The following AGT variants were observed in gnomAD, a reference collection of about 807,000 sequenced individuals.
The protein encoded by AGT is alpha-1 antiproteinase, antitrypsin.
Under a neutral mutation model 28.1 loss-of-function variants are expected in AGT, and 26 were observed. The ratio of observed to expected loss-of-function variants is 0.92; its 90% CI spans 0.68 to 1.28. AGT has a LOEUF of 1.28. Among genes scored for constraint, AGT ranks in the 50% most tolerant of loss-of-function variants. The pLI is 0.00. For missense variants in AGT, 596 were observed against 592.3 expected, an observed-to-expected ratio of 1.01 and a Z score of -0.06; for synonymous variants, 259 against 259.6, an observed-to-expected ratio of 1.00 and a Z score of 0.02.
At chr1:230,740,031 ATGC>A (rs1664219348) in intron 1 of AGT, among the ~76,000 whole-genome samples, 1 of 152,222 alleles carries the variant, frequency 6.6e-6, no homozygotes, top group Non-Finnish European at 1.5e-5. Context: ...TCTTGGTCAT[ATGC>A]TAAACAAAGG....
chr1:230,707,944 G>A (rs961992725), intron 2 of AGT, among the ~76,000 whole-genome samples: 4 of 152,198 alleles, frequency 2.6e-5, no homozygotes, highest in African/African-American at 7.2e-5. Flanking sequence ...ACGGTACCCT[G>A]GAGCCCATCA....
chr1:230,703,254 G>A lies in AGT; in HGVS notation c.1318C>T (p.Pro440Ser), dbSNP rs61751078. 2.5e-5 allele frequency: 41 copies of A among 1,614,060 alleles called. No homozygotes were observed. In the African/African-American group the frequency reaches 4.3e-4, roughly 17 times the overall value. Residue 440 changes from proline (P) to serine (S), a missense_variant, in exon 5 of 5, where the codon CCT becomes TCT. Pro to Ser is a moderately conservative substitution (Grantham distance 74). Transcript: ENST00000366667. ...PTESTQQLNKPEVLEVTLNRP... is the reference protein window; with the variant it reads ...PTESTQQLNKSEVLEVTLNRP... ...TTCAGGGTCACCTCCAAGACCTCAG[G>A]CTTGTTAAGCTGTTGGGTAGACTCT...
intron 1 of AGT, among the ~76,000 whole-genome samples, chr1:230,727,178 C>A (rs1272504075): frequency 6.6e-6 from 1 of 152,188 alleles, no homozygotes; most frequent in Non-Finnish European, 1.5e-5. Flanking sequence ...AGAAAGGATT[C>A]TCTCTCCTCC....
At chr1:230,734,659 C>CT in intron 1 of AGT, among the ~76,000 whole-genome samples, 1 of 151,764 alleles carries the variant, frequency 6.6e-6, no homozygotes, top group Non-Finnish European at 1.5e-5. Flanking sequence ...GGCAAGACTG[C>CT]TTCCAGTGAA....
chr1:230,703,593 C>T (rs1663293348), intron 4 of AGT, among the ~76,000 whole-genome samples: 1 of 152,198 alleles, frequency 6.6e-6, no homozygotes, highest in South Asian at 2.1e-4. Context: ...CTTACATCCT[C>T]CCATCTTCAC....
chr1:230,719,470 G>C (rs7549177), upstream of AGT, among the ~76,000 whole-genome samples: 58,291 of 146,686 alleles, frequency 0.4, 14,248 homozygotes, highest in East Asian at 0.68. Context: ...TGCAGTGGCG[G>C]GATCTCGGCT....
chr1:230,712,083 TACC>T (rs1437405567), intron 1 of AGT, among the ~76,000 whole-genome samples: 1 of 152,214 alleles, frequency 6.6e-6, no homozygotes, highest in Non-Finnish European at 1.5e-5. Context: ...TAACATTTTG[TACC>T]ACATCTCACT....
intron 1 of AGT, among the ~76,000 whole-genome samples, chr1:230,740,087 C>T (rs142200483): frequency 1.7e-4 from 26 of 152,248 alleles, no homozygotes; most frequent in African/African-American, 5.5e-4. Context: ...CAGAGGCTTC[C>T]CTGAAACAAG....
intron 1 of AGT, among the ~76,000 whole-genome samples, chr1:230,743,823 T>C (rs1172999268): frequency 5.3e-5 from 8 of 152,328 alleles, no homozygotes; most frequent in Admixed American, 3.9e-4. Context: ...AGGCACTATG[T>C]TCACCTCCTG....
chr1:230,707,392 G>C (rs1663418839), intron 2 of AGT, among the ~76,000 whole-genome samples: 1 of 152,226 alleles, frequency 6.6e-6, no homozygotes, highest in African/African-American at 2.4e-5. Context: ...TTGGGAGTCT[G>C]AGTAGAGATG....
At chr1:230,712,806 G>A (rs1663634641) in intron 1 of AGT, among the ~76,000 whole-genome samples, 1 of 152,186 alleles carries the variant, frequency 6.6e-6, no homozygotes, top group Non-Finnish European at 1.5e-5. Flanking sequence ...GCCGCGTCCT[G>A]GGAGTAATGG....
chr1:230,710,120 A>C lies in AGT; in HGVS notation c.704T>G (p.Leu235Arg), dbSNP rs5041. 1.6e-4 allele frequency: 255 copies of C among 1,614,166 alleles called. No homozygotes were observed. The African/African-American group carries it at 2.9e-3, about 18-fold the overall frequency. ...GTCAATCTTCTCAGCAGCAACATCC[A>C]GTTCTGTGAAGTCCAGAGAGCGTGG... ...VLPRSLDFTE[L>R]DVAAEKIDRF... The change falls in exon 2 of 5, where the codon CTG (leucine) becomes CGG (arginine). Residue 235 changes from leucine (L) to arginine (R), a missense_variant. Coordinates refer to ENST00000366667, the MANE Select transcript of AGT (RefSeq NM_001384479.1).
chr1:230,728,893 G>A (rs1429072011), intron 1 of AGT, among the ~76,000 whole-genome samples: 1 of 152,200 alleles, frequency 6.6e-6, no homozygotes, highest in East Asian at 1.9e-4. Flanking sequence ...TCATAGTGAG[G>A]ATTGAATTAG....
chr1:230,707,236 C>A (rs544455597), intron 2 of AGT, among the ~76,000 whole-genome samples: 1 of 152,226 alleles, frequency 6.6e-6, no homozygotes, highest in South Asian at 2.1e-4. Flanking sequence ...GCAGCCCACC[C>A]TCTGCCTCGA....
intron 1 of AGT, among the ~76,000 whole-genome samples, chr1:230,738,547 T>G (rs1314983512): frequency 6.6e-6 from 1 of 152,236 alleles, no homozygotes; most frequent in Non-Finnish European, 1.5e-5. Flanking sequence ...AAAATTGCTA[T>G]GACACTTTGT....
intron 1 of AGT, among the ~76,000 whole-genome samples, chr1:230,732,251 A>G (rs1470003663): frequency 6.6e-6 from 1 of 152,062 alleles, no homozygotes; most frequent in Admixed American, 6.6e-5. Context: ...TCATTCCACC[A>G]TGGCCTCCCA....
intron 1 of AGT, among the ~76,000 whole-genome samples, chr1:230,736,667 T>C (rs1664162857): frequency 6.6e-6 from 1 of 152,230 alleles, no homozygotes; most frequent in Non-Finnish European, 1.5e-5. Context: ...ATGTTTTCAC[T>C]ACCTCAGCTT....
chr1:230,703,023 G>A lies in AGT; in HGVS notation c.*118C>T, dbSNP rs1414259120. On this transcript the variant is annotated 3_prime_UTR_variant, in exon 5 of 5. Coordinates refer to ENST00000366667, the MANE Select transcript of AGT (RefSeq NM_001384479.1). ...CAAAGTCGACTCATTAGAAGAAAAG[G>A]TGGGAGACTGGGGGTGACACATCGC... 5 of 1,155,930 alleles carry A rather than the reference G, an allele frequency of 4.3e-6. No individual in the cohort carries two copies. The highest frequency in any genetic ancestry group is 6.1e-6 in the Non-Finnish European group (5 of 815,530). The allele number at this position is 1,155,930 out of a possible 1,614,324, so 71.6% of individuals were successfully genotyped here.
At chr1:230,711,901 C>G (rs912533071) in intron 1 of AGT, among the ~76,000 whole-genome samples, 1 of 151,924 alleles carries the variant, frequency 6.6e-6, no homozygotes, top group Non-Finnish European at 1.5e-5. Context: ...GACACGGGTC[C>G]AGCACCACGT....
Sources: gnomAD v4.1 joint callset for allele counts (sites outside exome capture counted in the v4.1 genomes callset) on GRCh38, gnomAD v4.1.1 for gene constraint, MANE v1.5 for transcripts, NCBI Gene and HGNC (gene_info 2026-07-23, HGNC 2026-07-21) for gene names.